REEP5: variants seen among roughly 807,000 people sequenced by gnomAD.
REEP5 encodes the protein receptor accessory protein 5.
REEP5 carries 24 observed loss-of-function variants against 22.4 expected under a neutral mutation model. The ratio of observed to expected loss-of-function variants is 1.07; its 90% confidence interval spans 0.78 to 1.51. The LOEUF is 1.51. Among genes scored for constraint, REEP5 ranks in the 40% most tolerant of loss-of-function variants. The probability of loss-of-function intolerance (pLI) is 0.00; values close to 1 mark genes in which losing one functional copy is unlikely to be tolerated. For synonymous variants in REEP5, 103 were observed against 88.6 expected, an observed-to-expected ratio of 1.16 and a Z score of -0.92; for missense variants, 252 against 233.0, an observed-to-expected ratio of 1.08 and a Z score of -0.53.
chr5:112,892,972 C>A (rs772846578), intron 3 of REEP5: 2 of 1,589,590 alleles, frequency 1.3e-6, no homozygotes, highest in Admixed American at 1.7e-5. Flanking sequence ...GAGCCAGAGC[C>A]GCAGGAGCCA....
intron 4 of REEP5, among the ~76,000 whole-genome samples, chr5:112,886,658 T>C (rs1265816128): frequency 2.6e-5 from 4 of 152,212 alleles, no homozygotes; most frequent in African/African-American, 9.6e-5. Flanking sequence ...TCTCCATTTA[T>C]TTAAAACTAC....
rs775624268 is a variant in REEP5, at chr5:112,922,031, C to G, written c.118+42G>C. The stretch of plus-strand genomic sequence containing the variant: ...TCCCCAGCAGCTGGGGCAGCGGCGG[C>G]TCCCGTGGCCCTACCAGCGGCGGCG... On this transcript the variant is annotated intron_variant, in intron 1 of 4. Transcript: ENST00000379638. 5.1e-6 allele frequency: 8 copies of G among 1,562,028 alleles called. No individual in the cohort carries two copies. In the South Asian group the frequency reaches 8.1e-5, roughly 16 times the overall value.
chr5:112,880,581 A>G (rs1768042070), intron 4 of REEP5, among the ~76,000 whole-genome samples: 1 of 152,254 alleles, frequency 6.6e-6, no homozygotes, highest in Admixed American at 6.5e-5. Context: ...AACCCTTTGT[A>G]GAAATTCCTA....
At chr5:112,918,725 C>A (rs1769285042) in intron 2 of REEP5, among the ~76,000 whole-genome samples, 1 of 152,216 alleles carries the variant, frequency 6.6e-6, no homozygotes, top group Admixed American at 6.5e-5. Context: ...ATGCACACTT[C>A]TACCACTGAC....
At chr5:112,886,423 G>A (rs947587276) in intron 4 of REEP5, among the ~76,000 whole-genome samples, 2 of 152,140 alleles carry the variant, frequency 1.3e-5, no homozygotes, top group African/African-American at 4.8e-5. Flanking sequence ...TTCATGAATG[G>A]CTCTTTATCA....
At chr5:112,908,864 ATT>A (rs397974052) in intron 2 of REEP5, among the ~76,000 whole-genome samples, 5 of 142,258 alleles carry the variant, frequency 3.5e-5, no homozygotes, top group Admixed American at 7.0e-5. Context: ...CCAGCTAATG[ATT>A]TTTTTTTTTT....
intron 3 of REEP5, among the ~76,000 whole-genome samples, chr5:112,891,176 AG>A (rs1768433343): frequency 6.6e-6 from 1 of 151,876 alleles, no homozygotes; most frequent in African/African-American, 2.4e-5. Flanking sequence ...GGGTTCAAGC[AG>A]TTCTCCTGCC....
intron 2 of REEP5, among the ~76,000 whole-genome samples, chr5:112,909,629 G>C (rs1769046329): frequency 6.6e-6 from 1 of 152,148 alleles, no homozygotes; most frequent in Non-Finnish European, 1.5e-5. Flanking sequence ...TGCAATGGTA[G>C]AATGGCAGAA....
chr5:112,895,025 T>A (rs1215420656), intron 3 of REEP5: 1 of 150,508 alleles, frequency 6.6e-6, no homozygotes, highest in African/African-American at 2.5e-5. Flanking sequence ...GATCACGAGG[T>A]CAGGAGTTCG....
chr5:112,902,502 T>A lies in REEP5; in HGVS notation c.229A>T (p.Ser77Cys). The A allele has an allele frequency of 6.3e-7, 1 of 1,599,040 alleles. No homozygotes were observed. Among genetic ancestry groups the A allele is most frequent in the Non-Finnish European group, 8.5e-7 (1 of 1,175,394 alleles). ...TGGGTATCATCTTCTTTGTTGGGAC[T>A]CTCTATAGCTTTAATTCTGAAAGGC... ...PAYISIKAIESPNKEDDTQWL... is the reference protein window; with the variant it reads ...PAYISIKAIECPNKEDDTQWL... Residue 77 changes from serine to cysteine, a missense_variant, in exon 3 of 5, where the codon AGT becomes TGT. Ser to Cys is a moderately radical substitution (Grantham distance 112). Transcript: ENST00000379638.
chr5:112,900,010 T>G (rs534318140), intron 3 of REEP5, among the ~76,000 whole-genome samples: 2 of 152,316 alleles, frequency 1.3e-5, no homozygotes, highest in African/African-American at 4.8e-5. Flanking sequence ...CATGTCCATT[T>G]CCCTATACAT....
intron 4 of REEP5, among the ~76,000 whole-genome samples, chr5:112,880,682 T>C (rs1203170197): frequency 2.0e-5 from 3 of 152,222 alleles, no homozygotes; most frequent in South Asian, 2.1e-4. Context: ...TATTTAGGAA[T>C]GTGTCATAAC....
Position 112,921,227 on chromosome 5 carries a change from C to A in REEP5, c.148G>T (p.Val50Leu). ...GVIGLVALYL[V>L]FGYGASLLCN... ...AGGAGAGAGGCTCCATAACCGAACA[C>A]CAGGTACAAGGCCACCAGTCCGATG... The change falls in exon 2 of 5, where the codon GTG (valine) becomes TTG (leucine). Residue 50 changes from valine to leucine, a missense_variant. By Grantham distance (32) the Val-to-Leu change is conservative (BLOSUM62 1). Coordinates refer to ENST00000379638, the MANE Select transcript of REEP5 (RefSeq NM_005669.5). 6.2e-7 allele frequency: 1 copy of A among 1,614,148 alleles called. No individual in the cohort carries two copies. The highest frequency in any genetic ancestry group is 8.5e-7 in the Non-Finnish European group (1 of 1,180,014).
At chr5:112,887,924 T>C (rs1237827036) in intron 3 of REEP5, among the ~76,000 whole-genome samples, 1 of 152,336 alleles carries the variant, frequency 6.6e-6, no homozygotes, top group East Asian at 1.9e-4. Flanking sequence ...TGCAATTTAC[T>C]CCTTTTTAAG....
intron 4 of REEP5, among the ~76,000 whole-genome samples, chr5:112,882,293 T>G (rs746866947): frequency 6.6e-5 from 10 of 152,102 alleles, no homozygotes; most frequent in Non-Finnish European, 1.5e-4. Context: ...ATCTTTGTAG[T>G]GCACTCCCCA....
chr5:112,891,132 GCA>G (rs1204040387), intron 3 of REEP5, among the ~76,000 whole-genome samples: 3 of 151,524 alleles, frequency 2.0e-5, no homozygotes, highest in Non-Finnish European at 2.9e-5. Flanking sequence ...GAGTGTAGTG[GCA>G]CAGTCTTGGC....
chr5:112,910,210 G>A (rs567035328), intron 2 of REEP5, among the ~76,000 whole-genome samples: 2 of 152,324 alleles, frequency 1.3e-5, no homozygotes, highest in East Asian at 1.9e-4. Context: ...GGCTGAAGCA[G>A]GAGAATTACT....
At position 112,878,704 on chromosome 5, in the gene REEP5, TA is replaced by T; in HGVS notation, c.*81del. The T allele has an allele frequency of 1.3e-6, 2 of 1,547,000 alleles. No individual in the cohort carries two copies. The highest frequency in any genetic ancestry group is 2.4e-5 in the South Asian group (2 of 83,866). ...TGTTTCCAAGGCAACATTATTAAAA[TA>T]ATTATACCACAGTCCCTAATATAAC... On this transcript the variant is annotated 3_prime_UTR_variant, in exon 5 of 5. Transcript: ENST00000379638.
chr5:112,891,942 T>TA (rs1164890679), intron 3 of REEP5: 7 of 1,254,904 alleles, frequency 5.6e-6, no homozygotes, highest in Non-Finnish European at 7.0e-6. Flanking sequence ...AAGAGGCGGC[T>TA]AAAAAATGGC....
Sources: allele counts gnomAD v4.1 joint callset (sites outside exome capture counted in the v4.1 genomes callset), GRCh38; gene constraint gnomAD v4.1.1; transcripts MANE v1.5; gene names NCBI Gene and HGNC (gene_info 2026-07-23, HGNC 2026-07-21).